The following OTUD4 variants were observed in gnomAD, a reference collection of about 807,000 sequenced individuals.
The protein encoded by OTUD4 is OTU deubiquitinase 4.
Under a neutral mutation model 130.4 loss-of-function variants are expected in OTUD4, and 24 were observed. The observed-to-expected ratio is 0.18, with a 90% CI of 0.13 to 0.26. OTUD4 has a LOEUF of 0.26. OTUD4 is among the 10% of genes least tolerant of loss of function. The pLI is 1.00. For synonymous variants in OTUD4, 420 were observed against 472.5 expected, an observed-to-expected ratio of 0.89 and a Z score of 1.44; for missense variants, 1,031 against 1,329.4, an observed-to-expected ratio of 0.78 and a Z score of 3.49.
In OTUD4 at chr4:145,133,988, C is replaced by T. The variant is rs1750122455; in HGVS notation, c.*3442G>A. The T allele has an allele frequency of 1.3e-5, 2 of 152,688 alleles. No individual in the cohort carries two copies. The highest frequency in any genetic ancestry group is 3.4e-3 in the Middle Eastern group (1 of 294). 9.5% of individuals were successfully genotyped at this position (152,688 alleles called of 1,614,324 possible). On this transcript the variant is annotated 3_prime_UTR_variant, in exon 21 of 21. Coordinates refer to ENST00000447906, the MANE Select transcript of OTUD4 (RefSeq NM_001366057.1). ...TATCGTTTTTCATACATAAAATTTT[C>T]TAGCTCTGTAACACAATGCAATTTT...
intron 6 of OTUD4, among the ~76,000 whole-genome samples, chr4:145,161,854 C>A (rs1295768370): frequency 6.6e-6 from 1 of 152,182 alleles, no homozygotes; most frequent in Non-Finnish European, 1.5e-5. Context: ...TATACACTAA[C>A]AGTTTTTAAA....
At chr4:145,179,707 G>A in intron 1 of OTUD4, 108 bp downstream of exon 1, 4 of 1,412,898 alleles carry the variant, frequency 2.8e-6, no homozygotes, top group Non-Finnish European at 2.7e-6. Context: ...CAGGGCACGC[G>A]CAGCCCCGGC....
At chr4:145,168,412 T>TCA (rs1432323241) in intron 3 of OTUD4, among the ~76,000 whole-genome samples, 1 of 15,024 alleles carries the variant, frequency 6.7e-5, no homozygotes, top group Non-Finnish European at 1.6e-4. Flanking sequence ...AAATAAAAAA[T>TCA]TAAAAAAAAA....
At chr4:145,143,241 G>A (rs1750648066) in intron 17 of OTUD4, 124 bp downstream of exon 17, 1 of 548,080 alleles carries the variant, frequency 1.8e-6, no homozygotes, top group Admixed American at 3.5e-5. Context: ...CAGCCAAACT[G>A]TGATGCCAGA....
At chr4:145,151,890 T>C (rs1421146805) in intron 11 of OTUD4, among the ~76,000 whole-genome samples, 1 of 152,230 alleles carries the variant, frequency 6.6e-6, no homozygotes, top group East Asian at 1.9e-4. Flanking sequence ...CTACTCCATC[T>C]GACAAACACT....
At chr4:145,140,109 C>A in intron 19 of OTUD4, 118 bp from the exon 20 acceptor site, 1 of 368,896 alleles carries the variant, frequency 2.7e-6, no homozygotes, top group South Asian at 3.6e-5. Flanking sequence ...TCTTCTCTAG[C>A]CTGTGATACA....
intron 3 of OTUD4, among the ~76,000 whole-genome samples, chr4:145,166,779 G>C (rs761052777): frequency 6.6e-6 from 1 of 152,108 alleles, no homozygotes. Flanking sequence ...GGCAGCAGTC[G>C]AGTAAGCCGA....
chr4:145,159,772 C>T (rs1474481015), intron 6 of OTUD4, 137 bp from the exon 7 acceptor site: 1 of 750,420 alleles, frequency 1.3e-6, no homozygotes. Context: ...ACCTTATGGT[C>T]AATAACATAA....
intron 13 of OTUD4, 75 bp from the exon 14 acceptor site, chr4:145,146,504 A>T: frequency 3.1e-6 from 3 of 973,568 alleles, no homozygotes; most frequent in Non-Finnish European, 2.8e-6. Flanking sequence ...TTCTTGTCAA[A>T]AAAAAAAAAC....
intron 15 of OTUD4, 28 bp from the exon 16 acceptor site, chr4:145,144,029 A>T (rs759203049): frequency 2.6e-6 from 4 of 1,555,434 alleles, no homozygotes; most frequent in Non-Finnish European, 3.5e-6. Context: ...TAAAAAAGAC[A>T]GCATAAGCCA....
Position 145,137,656 on chromosome 4 carries a change from T to C in OTUD4, c.3119A>G (p.Lys1040Arg). The C allele has an allele frequency of 6.2e-7, 1 of 1,613,924 alleles. No individual in the cohort carries two copies. The highest frequency in any genetic ancestry group is 2.2e-5 in the East Asian group (1 of 44,846). Residue 1040 changes from lysine to arginine, a missense_variant, in exon 21 of 21, where the codon AAG (lysine) becomes AGG (arginine). Physicochemically the swap from Lys to Arg is conservative, Grantham distance 26. Around this residue, in one of 3 missense-constraint regions of OTUD4, gnomAD observed 900 missense variants for 1,095.9 expected, o/e 0.82. Coordinates refer to ENST00000447906, the MANE Select transcript of OTUD4 (RefSeq NM_001366057.1). Reference sequence around the variant, plus strand: ...TCCATAAGTTTGATTATAGAACTGCTTGGATCTACCACTTCTCAAAATATT... The same window carrying C: ...TCCATAAGTTTGATTATAGAACTGCCTGGATCTACCACTTCTCAAAATATT... ...VSNILRSGRS[K>R]QFYNQTYGSR...
Position 145,141,189 on chromosome 4 carries a change from AT to A in OTUD4, c.2083+189del, listed in dbSNP as rs1340390944. Among the ~76,000 whole-genome samples, 365 of 151,302 alleles carry A rather than the reference AT, an allele frequency of 2.4e-3. 1 individual carries two copies. The highest frequency in any genetic ancestry group is 8.2e-3 in the African/African-American group (338 of 41,148). ...GTCTCAAAAAAAAAAAAAAAAAAAA[AT>A]TATAATACATTTTCTAATAAATCAA... On this transcript the variant is annotated intron_variant, in intron 19 of 20. Transcript: ENST00000447906.
intron 3 of OTUD4, among the ~76,000 whole-genome samples, chr4:145,166,723 C>T (rs1197588672): frequency 6.6e-6 from 1 of 152,188 alleles, no homozygotes; most frequent in African/African-American, 2.4e-5. Context: ...TGCCTATAAT[C>T]CCAGCTACTC....
At position 145,141,518 on chromosome 4, in the gene OTUD4, G is replaced by T; in HGVS notation, c.1944C>A (p.Asn648Lys). 6.2e-7 allele frequency: 1 copy of T among 1,613,682 alleles called. No individual in the cohort carries two copies. Among genetic ancestry groups the T allele is most frequent in the Non-Finnish European group, 8.5e-7 (1 of 1,179,672 alleles). ...TCTGAGGCAAAGGCATCAAGGGCTG[G>T]TTAACTGCCTGTATTGACACAGGAA... ...SPVPVSIQAVNQPLMPLPQTL... is the reference protein window; with the variant it reads ...SPVPVSIQAVKQPLMPLPQTL... Residue 648 changes from asparagine (N) to lysine (K), a missense_variant, in exon 19 of 21, where the codon AAC becomes AAA. By Grantham distance (94) the Asn-to-Lys change is moderately conservative. Around this residue, in one of 3 missense-constraint regions of OTUD4, gnomAD observed 900 missense variants for 1,095.9 expected, o/e 0.82. Transcript: ENST00000447906.
In OTUD4 at chr4:145,144,441, A is replaced by G; in HGVS notation, c.1423-7T>C. On this transcript the variant is annotated splice_region_variant and splice_polypyrimidine_tract_variant and intron_variant, in intron 14 of 20. Coordinates refer to ENST00000447906, the MANE Select transcript of OTUD4 (RefSeq NM_001366057.1). Reference sequence around the variant, plus strand: ...ACTGATTGACTGATGAGCTCTTTAAAATGAACAAAACCCAACATTTTGTGT... The same window carrying G: ...ACTGATTGACTGATGAGCTCTTTAAGATGAACAAAACCCAACATTTTGTGT... The G allele has an allele frequency of 1.2e-6, 2 of 1,607,418 alleles. No individual in the cohort carries two copies.
chr4:145,143,846 T>C, intron 16 of OTUD4, 100 bp downstream of exon 16: 1 of 855,808 alleles, frequency 1.2e-6, no homozygotes, highest in South Asian at 1.6e-5. Flanking sequence ...TACACAGCTA[T>C]AAAATTTCGA....
intron 6 of OTUD4, among the ~76,000 whole-genome samples, chr4:145,162,423 G>A (rs946457757): frequency 7.8e-4 from 119 of 151,766 alleles, no homozygotes; most frequent in African/African-American, 2.5e-3. Context: ...GCGTTGTGGC[G>A]GGCGCCCGTA....
intron 3 of OTUD4, among the ~76,000 whole-genome samples, chr4:145,169,733 T>C (rs1752058730): frequency 6.6e-6 from 1 of 152,066 alleles, no homozygotes; most frequent in African/African-American, 2.4e-5. Flanking sequence ...CTGCCTCCTA[T>C]AGTACCGGGA....
At chr4:145,168,979 A>G (rs1330403961) in intron 3 of OTUD4, among the ~76,000 whole-genome samples, 1 of 152,278 alleles carries the variant, frequency 6.6e-6, no homozygotes, top group Non-Finnish European at 1.5e-5. Flanking sequence ...AAAAGGAACT[A>G]CTGCTAAACG....
Sources: allele counts gnomAD v4.1 joint callset (sites outside exome capture counted in the v4.1 genomes callset), GRCh38; gene constraint gnomAD v4.1.1; regional missense constraint gnomAD v4.1.1; transcripts MANE v1.5; gene names NCBI Gene and HGNC (gene_info 2026-07-23, HGNC 2026-07-21).